Variants in TAOK1 observed in about 807,000 individuals in gnomAD.
The protein encoded by TAOK1 is serine/threonine-protein kinase TAO1.
Under a neutral mutation model 138.3 loss-of-function variants are expected in TAOK1, and 21 were observed. That is an observed-to-expected ratio of 0.15 (90% CI 0.11 to 0.22). The LOEUF is 0.22. Ranked by LOEUF, TAOK1 falls within the 10% of genes least tolerant of loss-of-function variation. The pLI, the probability that TAOK1 is intolerant of heterozygous loss-of-function variation, is 1.00. For missense variants in TAOK1, 651 were observed against 1,227.7 expected (o/e 0.53, Z 7.02); for synonymous variants, 361 against 398.4 (o/e 0.91, Z 1.12).
intron 2 of TAOK1, among the ~76,000 whole-genome samples, chr17:29,462,754 G>C (rs554421473): frequency 6.6e-6 from 1 of 152,272 alleles, no homozygotes; most frequent in Admixed American, 6.5e-5. Context: ...GATCCCAAAT[G>C]TATCTTCACA....
intron 17 of TAOK1, 89 bp from the exon 18 acceptor site, chr17:29,530,318 A>G: frequency 8.6e-7 from 1 of 1,169,106 alleles, no homozygotes; most frequent in South Asian, 1.5e-5. Flanking sequence ...TTTTTTTCCT[A>G]GTAGCCTTTA....
rs1482221616 is a variant in TAOK1, at chr17:29,546,665, T to C, written c.*3643T>C. ...TGGCTTTTTAAAACTGTATTAAATATGCACATTTTTGGTATAGCTATTATC... is the reference window on the plus strand; with the variant it reads ...TGGCTTTTTAAAACTGTATTAAATACGCACATTTTTGGTATAGCTATTATC... On this transcript the variant is annotated 3_prime_UTR_variant, in exon 20 of 20. Coordinates refer to ENST00000261716, the MANE Select transcript of TAOK1 (RefSeq NM_020791.4). The C allele has an allele frequency of 6.6e-6, 1 of 152,168 alleles. No homozygotes were observed. Among genetic ancestry groups the C allele is most frequent in the Non-Finnish European group, 1.5e-5 (1 of 68,004 alleles). 9.4% of individuals were successfully genotyped at this position (152,168 alleles called of 1,614,324 possible).
At chr17:29,537,150 T>TC (rs1474041116) in intron 19 of TAOK1, among the ~76,000 whole-genome samples, 1 of 152,204 alleles carries the variant, frequency 6.6e-6, no homozygotes, top group Non-Finnish European at 1.5e-5. Flanking sequence ...TAATTTTAGC[T>TC]CCACCTAGTG....
Position 29,466,302 on chromosome 17 carries a change from C to G in TAOK1, c.133-843C>G, listed in dbSNP as rs541854898. Among the ~76,000 whole-genome samples, 7 of 152,188 alleles carry G rather than the reference C, an allele frequency of 4.6e-5. No individual in the cohort carries two copies. In the South Asian group the frequency reaches 1.2e-3, roughly 27 times the overall value. On this transcript the variant is annotated intron_variant, in intron 2 of 19. Coordinates refer to ENST00000261716, the MANE Select transcript of TAOK1 (RefSeq NM_020791.4). ...GGGATTACAGGCGTGCACCACTACA[C>G]CTGGCTGATTTTTATATTTTTAGTA...
chr17:29,472,710 G>A (rs980408034), intron 3 of TAOK1, among the ~76,000 whole-genome samples: 1 of 151,908 alleles, frequency 6.6e-6, no homozygotes, highest in Non-Finnish European at 1.5e-5. Flanking sequence ...AAGTAGCTGG[G>A]ATTACAGTCA....
chr17:29,412,438 G>GTCCATTCACGTCCTCT (rs1555557194), intron 1 of TAOK1, among the ~76,000 whole-genome samples: 3 of 151,340 alleles, frequency 2.0e-5, no homozygotes, highest in Non-Finnish European at 4.4e-5. Context: ...CTTTTTCTCT[G>GTCCATTCACGTCCTCT]TCCATTCAAG....
At chr17:29,454,593 T>C (rs557257854) in intron 2 of TAOK1, among the ~76,000 whole-genome samples, 23 of 152,318 alleles carry the variant, frequency 1.5e-4, no homozygotes, top group Non-Finnish European at 2.9e-4. Context: ...GAACACAGAA[T>C]GTCTTTCTAA....
At chr17:29,542,119 C>G (rs571032001) in intron 19 of TAOK1, among the ~76,000 whole-genome samples, 2 of 152,080 alleles carry the variant, frequency 1.3e-5, no homozygotes, top group African/African-American at 4.8e-5. Flanking sequence ...CCTCATGATC[C>G]GCCCGCATCA....
intron 1 of TAOK1, among the ~76,000 whole-genome samples, chr17:29,450,651 A>G (rs189191886): frequency 1.3e-5 from 2 of 152,280 alleles, no homozygotes; most frequent in Middle Eastern, 6.8e-3. Context: ...AGCCAGGACT[A>G]TAAGTGCATG....
At chr17:29,490,612 A>T (rs2031278363) in intron 9 of TAOK1, among the ~76,000 whole-genome samples, 1 of 152,218 alleles carries the variant, frequency 6.6e-6, no homozygotes, top group Admixed American at 6.5e-5. Context: ...TTCTTTCTAT[A>T]TAACTCTACT....
chr17:29,536,051 G>A (rs917675574), intron 19 of TAOK1, among the ~76,000 whole-genome samples: 1 of 152,052 alleles, frequency 6.6e-6, no homozygotes, highest in Non-Finnish European at 1.5e-5. Flanking sequence ...CCAGCACTTT[G>A]GGAGGCCGAG....
intron 19 of TAOK1, among the ~76,000 whole-genome samples, chr17:29,540,758 C>T (rs1358039082): frequency 2.7e-5 from 4 of 149,036 alleles, no homozygotes; most frequent in African/African-American, 7.4e-5. Context: ...TTACTAGAGA[C>T]GGGGTTTCTC....
At chr17:29,498,196 C>A in intron 11 of TAOK1, 122 bp from the exon 12 acceptor site, 1 of 954,322 alleles carries the variant, frequency 1.0e-6, no homozygotes, top group Non-Finnish European at 1.6e-6. Context: ...AGCAATTTCT[C>A]ATGATAGACC....
intron 1 of TAOK1, among the ~76,000 whole-genome samples, chr17:29,405,672 G>A (rs1456333336): frequency 6.6e-6 from 1 of 151,984 alleles, no homozygotes; most frequent in Non-Finnish European, 1.5e-5. Context: ...CCAGCTACTC[G>A]GGAGGCAGAG....
chr17:29,478,407 A>G, intron 6 of TAOK1, 60 bp downstream of exon 6: 1 of 1,171,672 alleles, frequency 8.5e-7, no homozygotes, highest in Non-Finnish European at 1.2e-6. Flanking sequence ...TACCAACTTT[A>G]GAATTTATTA....
intron 1 of TAOK1, among the ~76,000 whole-genome samples, chr17:29,441,616 C>A (rs2029941255): frequency 1.3e-5 from 2 of 151,988 alleles, no homozygotes; most frequent in Admixed American, 1.3e-4. Flanking sequence ...AACATCTTTG[C>A]TTTGGCCAGA....
At chr17:29,411,068 A>G (rs566162564) in intron 1 of TAOK1, among the ~76,000 whole-genome samples, 1 of 149,116 alleles carries the variant, frequency 6.7e-6, no homozygotes, top group South Asian at 2.1e-4. Context: ...ACAAACCTAC[A>G]GAAGTACTTT....
At chr17:29,512,684 CTTTT>C (rs34741008) in intron 15 of TAOK1, 2 of 135,972 alleles carry the variant, frequency 1.5e-5, no homozygotes, top group Non-Finnish European at 3.2e-5. Flanking sequence ...CAGCTGACAA[CTTTT>C]TTTTTTTTTT....
Position 29,508,274 on chromosome 17 carries a change from A to G in TAOK1, c.1575+142A>G, listed in dbSNP as rs984944982. On this transcript the variant is annotated intron_variant, in intron 14 of 19. Coordinates refer to ENST00000261716, the MANE Select transcript of TAOK1 (RefSeq NM_020791.4). Reference sequence around the variant, plus strand: ...AAGGAGAAGCATTTATGTGACTTATATAAAGGTTTCTGTAAATTGATATTA... The same window carrying G: ...AAGGAGAAGCATTTATGTGACTTATGTAAAGGTTTCTGTAAATTGATATTA... 4.4e-6 allele frequency: 3 copies of G among 688,506 alleles called. No individual in the cohort carries two copies. In the African/African-American group the frequency reaches 5.4e-5, roughly 12 times the overall value. 42.6% of individuals were successfully genotyped at this position (688,506 alleles called of 1,614,324 possible).
Sources: allele counts gnomAD v4.1 joint callset (sites outside exome capture counted in the v4.1 genomes callset), GRCh38; gene constraint gnomAD v4.1.1; transcripts MANE v1.5; gene names NCBI Gene and HGNC (gene_info 2026-07-23, HGNC 2026-07-21).